Variants in RFX3 observed in about 807,000 individuals in gnomAD.
RFX3 encodes regulatory factor X3.
RFX3 carries 14 observed loss-of-function variants against 98.6 expected under a neutral mutation model. The ratio of observed to expected loss-of-function variants is 0.14; its 90% CI spans 0.09 to 0.22. The LOEUF is 0.22. RFX3 is among the 10% of genes least tolerant of loss of function. The pLI is 1.00. For missense variants in RFX3, 639 were observed against 926.9 expected (o/e 0.69, Z 4.03); for synonymous variants, 383 against 328.4 (o/e 1.17, Z -1.80).
Position 3,254,614 on chromosome 9 carries a change from T to C in RFX3, c.1814+2377A>G, listed in dbSNP as rs186223499. On this transcript the variant is annotated intron_variant, in intron 14 of 16. Transcript: ENST00000617270. ...GTGCAGTGGCGTGATCTCTGCTCAC[T>C]GCAAGCTCCACCTCCCAGGTTCACA... 1.6e-4 allele frequency among the ~76,000 whole-genome samples: 24 copies of C among 152,072 alleles called. No individual in the cohort carries two copies. In the East Asian group the frequency reaches 4.4e-3, roughly 28 times the overall value.
intron 1 of RFX3, among the ~76,000 whole-genome samples, chr9:3,426,284 G>A (rs962383060): frequency 1.4e-4 from 21 of 151,488 alleles, no homozygotes; most frequent in Admixed American, 3.9e-4. Flanking sequence ...TATGATGATC[G>A]GGTCAGTGTA....
intron 1 of RFX3, among the ~76,000 whole-genome samples, chr9:3,466,038 T>C (rs961162292): frequency 4.6e-5 from 7 of 152,188 alleles, no homozygotes; most frequent in Admixed American, 6.5e-5. Context: ...GTACAGAATT[T>C]ATTCAAACAG....
At position 3,420,020 on chromosome 9, in the gene RFX3, C is replaced by T. The variant is rs377315525; in HGVS notation, c.-8-24424G>A. Among the ~76,000 whole-genome samples, 54 of 152,312 alleles carry T rather than the reference C, an allele frequency of 3.5e-4. 1 individual carries two copies. In the East Asian group the frequency reaches 5.8e-3, roughly 16 times the overall value. On this transcript the variant is annotated intron_variant, in intron 1 of 16. Transcript: ENST00000617270. The stretch of plus-strand genomic sequence containing the variant: ...AAATTGTAAGGCAGTTTGTCATCGT[C>T]GCACGTGAAGGCACAGGAGGGAGAC...
At chr9:3,388,121 GTAACGACATACTACT>G (rs1839918173) in intron 2 of RFX3, among the ~76,000 whole-genome samples, 2 of 152,174 alleles carry the variant, frequency 1.3e-5, no homozygotes, top group South Asian at 4.1e-4. Flanking sequence ...CTTACTGGTT[GTAACGACATACTACT>G]CAGAATATGG....
At chr9:3,303,602 T>A (rs531562364) in intron 4 of RFX3, among the ~76,000 whole-genome samples, 12 of 151,934 alleles carry the variant, frequency 7.9e-5, no homozygotes, top group African/African-American at 2.4e-4. Flanking sequence ...CTCAGTTTGT[T>A]AATAAGCACT....
At chr9:3,278,865 T>A (rs1192336166) in intron 7 of RFX3, among the ~76,000 whole-genome samples, 2 of 151,972 alleles carry the variant, frequency 1.3e-5, no homozygotes, top group East Asian at 3.9e-4. Flanking sequence ...GCACTCTTCA[T>A]CCTCATGAAT....
chr9:3,247,285 G>A, intron 15 of RFX3: 3 of 987,162 alleles, frequency 3.0e-6, no homozygotes, highest in Non-Finnish European at 3.6e-6. Context: ...TTTTTGATAA[G>A]CCATTTTGAT....
chr9:3,394,801 T>A, intron 2 of RFX3: 1 of 983,336 alleles, frequency 1.0e-6, no homozygotes, highest in African/African-American at 1.7e-5. Flanking sequence ...TTAGAAGAAA[T>A]CACAGGCCAG....
intron 1 of RFX3, among the ~76,000 whole-genome samples, chr9:3,487,556 C>A (rs748774686): frequency 6.6e-6 from 1 of 152,014 alleles, no homozygotes; most frequent in African/African-American, 2.4e-5. Flanking sequence ...TTAGAAAAAG[C>A]AGCATATAAC....
chr9:3,509,469 CATT>C (rs1340089013), intron 1 of RFX3, among the ~76,000 whole-genome samples: 2 of 151,894 alleles, frequency 1.3e-5, no homozygotes, highest in African/African-American at 4.8e-5. Flanking sequence ...TGACATACAT[CATT>C]AATTCCCAAT....
intron 2 of RFX3, among the ~76,000 whole-genome samples, chr9:3,374,774 A>G (rs1264643964): frequency 6.6e-6 from 1 of 152,150 alleles, no homozygotes; most frequent in African/African-American, 2.4e-5. Flanking sequence ...TGGTTGCACA[A>G]CAATGTGAAT....
rs139744438 is a variant in RFX3, at chr9:3,441,091, G to C, written c.-8-45495C>G. On this transcript the variant is annotated intron_variant, in intron 1 of 16. Coordinates refer to ENST00000617270, the MANE Select transcript of RFX3 (RefSeq NM_001282116.2). ...CAAAATTAACTAAAAATGAATTGCA[G>C]GGTATAGGCTAACAACTCTGAAGCT... Among the ~76,000 whole-genome samples the C allele has an allele frequency of 3.3e-5, 5 of 152,274 alleles. No individual in the cohort carries two copies. The East Asian group carries it at 9.7e-4, about 29-fold the overall frequency.
At chr9:3,249,503 A>C (rs1363863171) in intron 14 of RFX3, among the ~76,000 whole-genome samples, 3 of 152,176 alleles carry the variant, frequency 2.0e-5, no homozygotes, top group Non-Finnish European at 4.4e-5. Context: ...AAATCAACTT[A>C]TGGATGACTA....
chr9:3,399,341 G>T (rs906040745), intron 1 of RFX3, among the ~76,000 whole-genome samples: 2 of 151,752 alleles, frequency 1.3e-5, no homozygotes, highest in African/African-American at 4.8e-5. Context: ...CTACTATGGA[G>T]GCTGAGACAG....
intron 2 of RFX3, 116 bp downstream of exon 2, chr9:3,395,356 G>A (rs1840746815): frequency 4.3e-6 from 5 of 1,170,462 alleles, no homozygotes; most frequent in Admixed American, 4.1e-5. Context: ...CCTAAAAACT[G>A]AAGTATGCCT....
chr9:3,505,967 TG>T (rs1817050681), intron 1 of RFX3, among the ~76,000 whole-genome samples: 2 of 151,890 alleles, frequency 1.3e-5, no homozygotes, highest in African/African-American at 2.4e-5. Context: ...GTTCACTTCT[TG>T]GCCCCTACTT....
rs757837789 is a variant in RFX3, at chr9:3,266,326, G to C, written c.1358-21C>G. On this transcript the variant is annotated intron_variant, in intron 11 of 16. Transcript: ENST00000617270. The stretch of plus-strand genomic sequence containing the variant: ...GGCACCTAAACATTAAAGAATAAAA[G>C]CAGGATAAAAAAAAGTATGAAAGAA... 14 of 1,506,078 alleles carry C rather than the reference G, an allele frequency of 9.3e-6. No individual in the cohort carries two copies. In the East Asian group the frequency reaches 3.2e-4, roughly 34 times the overall value. 93.3% of individuals were successfully genotyped at this position (1,506,078 alleles called of 1,614,324 possible).
At chr9:3,508,403 T>C (rs1263165016) in intron 1 of RFX3, among the ~76,000 whole-genome samples, 1 of 151,966 alleles carries the variant, frequency 6.6e-6, no homozygotes, top group East Asian at 1.9e-4. Flanking sequence ...GAAATATAGT[T>C]CAATCTAAAA....
chr9:3,225,191 G>A lies in RFX3; in HGVS notation c.2101C>T (p.Gln701Ter). The stretch of plus-strand genomic sequence containing the variant: ...TGCATGCAGCCCACTGGAAATGCCT[G>A]GCTCAGCTCTGTTTTCTCTCTTTTG... ...QAKREKTELS[Q>*]AFPVGCMQPV... Residue 701 changes from glutamine to a stop codon, truncating the protein, a stop_gained, in exon 17 of 17, where the codon CAG becomes TAG. Coordinates refer to ENST00000617270, the MANE Select transcript of RFX3 (RefSeq NM_001282116.2). LOFTEE classifies it high-confidence loss of function. The A allele has an allele frequency of 6.2e-7, 1 of 1,613,916 alleles. No individual in the cohort carries two copies. The highest frequency in any genetic ancestry group is 8.5e-7 in the Non-Finnish European group (1 of 1,179,940).
Sources: gnomAD v4.1 joint callset for allele counts (sites outside exome capture counted in the v4.1 genomes callset) on GRCh38, gnomAD v4.1.1 for gene constraint, MANE v1.5 for transcripts, NCBI Gene and HGNC (gene_info 2026-07-23, HGNC 2026-07-21) for gene names.